Variants in GRIK4 observed in about 807,000 individuals in gnomAD.
The protein encoded by GRIK4 is glutamate receptor ionotropic, kainate 4.
A neutral mutation model predicts 104.9 loss-of-function variants in GRIK4; 40 were observed. The observed-to-expected ratio is 0.38, with a 90% CI of 0.30 to 0.50. The LOEUF is 0.50. Among genes scored for constraint, GRIK4 ranks in the 20% least tolerant of loss-of-function variants. GRIK4 has a pLI of 0.93. For synonymous variants in GRIK4, 485 were observed against 524.9 expected (o/e 0.92, Z 1.04); for missense variants, 1,047 against 1,308.1 (o/e 0.80, Z 3.08).
intron 1 of GRIK4, among the ~76,000 whole-genome samples, chr11:120,650,111 G>A (rs777050743): frequency 4.0e-4 from 61 of 152,258 alleles, no homozygotes; most frequent in Admixed American, 2.4e-3. Context: ...ACCTCCCGTG[G>A]CTGGCAATGA....
At chr11:120,937,282 A>C (rs1017156966) in intron 13 of GRIK4, among the ~76,000 whole-genome samples, 15 of 152,002 alleles carry the variant, frequency 9.9e-5, no homozygotes, top group Non-Finnish European at 1.5e-5. Context: ...CAGGTGATCC[A>C]CCCAGCTCAG....
intron 19 of GRIK4, among the ~76,000 whole-genome samples, chr11:120,974,670 G>T (rs909607332): frequency 1.2e-4 from 18 of 152,062 alleles, no homozygotes; most frequent in Non-Finnish European, 2.1e-4. Context: ...GAGTCTTTTT[G>T]CCAGGTCTTG....
chr11:120,763,588 T>C (rs1320028657), intron 3 of GRIK4, among the ~76,000 whole-genome samples: 1 of 152,240 alleles, frequency 6.6e-6, no homozygotes, highest in African/African-American at 2.4e-5. Flanking sequence ...TTTTGTGCTA[T>C]AAATTTCCCT....
At chr11:120,934,477 C>G (rs945137896) in intron 13 of GRIK4, among the ~76,000 whole-genome samples, 2 of 152,156 alleles carry the variant, frequency 1.3e-5, no homozygotes, top group African/African-American at 4.8e-5. Flanking sequence ...TCCTCCCAGC[C>G]AGGCTCATGT....
chr11:120,611,434 A>G (rs536412466), intron 1 of GRIK4, among the ~76,000 whole-genome samples: 20 of 152,350 alleles, frequency 1.3e-4, no homozygotes, highest in Non-Finnish European at 2.5e-4. Flanking sequence ...GCGTGTCTGC[A>G]TGCATGCACG....
chr11:120,568,438 A>G (rs1361889720), intron 1 of GRIK4, among the ~76,000 whole-genome samples: 1 of 151,154 alleles, frequency 6.6e-6, no homozygotes, highest in Non-Finnish European at 1.5e-5. Flanking sequence ...CCCAGGCTGG[A>G]GTGCAGTGGC....
intron 5 of GRIK4, among the ~76,000 whole-genome samples, chr11:120,816,735 T>C (rs1191160937): frequency 1.3e-5 from 2 of 151,958 alleles, no homozygotes; most frequent in Admixed American, 6.5e-5. Context: ...ACTCTCAGAA[T>C]TGTGTGCACG....
intron 3 of GRIK4, among the ~76,000 whole-genome samples, chr11:120,779,747 ATTGC>A (rs1211097970): frequency 6.6e-6 from 1 of 152,162 alleles, no homozygotes; most frequent in Non-Finnish European, 1.5e-5. Context: ...AAATCAAATC[ATTGC>A]TTCTCACTCT....
intron 4 of GRIK4, among the ~76,000 whole-genome samples, chr11:120,812,959 G>A (rs983464880): frequency 6.6e-6 from 1 of 152,216 alleles, no homozygotes; most frequent in Non-Finnish European, 1.5e-5. Flanking sequence ...GAGAACTGGA[G>A]GAGAATCCAG....
In GRIK4 at chr11:120,862,035, C is replaced by T; in HGVS notation, c.821C>T (p.Ser274Phe). Residue 274 changes from serine to phenylalanine, a missense_variant, in exon 9 of 21, where the codon TCC becomes TTC. Around this residue, in one of 3 missense-constraint regions of GRIK4, gnomAD observed 447 missense variants for 514.9 expected, o/e 0.87. Coordinates refer to ENST00000527524, the MANE Select transcript of GRIK4 (RefSeq NM_014619.5). ...CTGGGATTTTCCATTTTCAACCAATCCCATGCTTTCTTCCAAGAGTTTGCC... is the reference window on the plus strand; with the variant it reads ...CTGGGATTTTCCATTTTCAACCAATTCCATGCTTTCTTCCAAGAGTTTGCC... Reference protein sequence around the residue: ...NILGFSIFNQSHAFFQEFAQS... With the variant: ...NILGFSIFNQFHAFFQEFAQS... The T allele has an allele frequency of 6.2e-7, 1 of 1,613,782 alleles. No individual in the cohort carries two copies. The highest frequency in any genetic ancestry group is 8.5e-7 in the Non-Finnish European group (1 of 1,179,646).
At chr11:120,740,655 AGAG>A (rs1951311435) in intron 3 of GRIK4, among the ~76,000 whole-genome samples, 1 of 152,316 alleles carries the variant, frequency 6.6e-6, no homozygotes, top group East Asian at 1.9e-4. Context: ...GGTTTGGTCC[AGAG>A]GAGTTTACCC....
intron 3 of GRIK4, among the ~76,000 whole-genome samples, chr11:120,667,354 C>CT (rs1384122704): frequency 6.6e-6 from 1 of 152,272 alleles, no homozygotes; most frequent in Non-Finnish European, 1.5e-5. Flanking sequence ...CCTGGGCTGT[C>CT]TGGGTGCTTC....
chr11:120,896,996 T>C (rs1942599738), intron 11 of GRIK4, among the ~76,000 whole-genome samples: 1 of 152,294 alleles, frequency 6.6e-6, no homozygotes, highest in East Asian at 1.9e-4. Context: ...TATATAGATA[T>C]GTGTGTGTGT....
intron 1 of GRIK4, among the ~76,000 whole-genome samples, chr11:120,536,562 C>T (rs1947978183): frequency 6.6e-6 from 1 of 152,168 alleles, no homozygotes; most frequent in African/African-American, 2.4e-5. Context: ...CAGGTACTCG[C>T]TTAGTCACGT....
chr11:120,877,150 G>A (rs74316646), intron 11 of GRIK4, among the ~76,000 whole-genome samples: 157 of 152,376 alleles, frequency 1.0e-3, no homozygotes, highest in Non-Finnish European at 1.7e-3. Context: ...GAGCTGCATT[G>A]TCTGTAAGCA....
chr11:120,843,302 T>A (rs772162989), intron 8 of GRIK4, among the ~76,000 whole-genome samples: 2 of 152,234 alleles, frequency 1.3e-5, no homozygotes, highest in Non-Finnish European at 2.9e-5. Flanking sequence ...ATGCTATTTG[T>A]GGGGTGTCAA....
chr11:120,592,695 A>G (rs1243193717), intron 1 of GRIK4, among the ~76,000 whole-genome samples: 1 of 152,070 alleles, frequency 6.6e-6, no homozygotes, highest in Non-Finnish European at 1.5e-5. Context: ...GGGAGGAAGC[A>G]GAAGACATCA....
chr11:120,898,424 C>T (rs1437512033), intron 11 of GRIK4, 108 bp from the exon 12 acceptor site: 1 of 690,758 alleles, frequency 1.4e-6, no homozygotes, highest in African/African-American at 1.8e-5. Flanking sequence ...TACTCCACAC[C>T]CCTCCCTGCT....
At chr11:120,748,419 TGA>T (rs1166624661) in intron 3 of GRIK4, among the ~76,000 whole-genome samples, 1 of 152,082 alleles carries the variant, frequency 6.6e-6, no homozygotes, top group African/African-American at 2.4e-5. Context: ...TGTGGGGAGA[TGA>T]GAGTAGGGTG....
Sources: allele counts gnomAD v4.1 joint callset (sites outside exome capture counted in the v4.1 genomes callset), GRCh38; gene constraint gnomAD v4.1.1; regional missense constraint gnomAD v4.1.1; transcripts MANE v1.5; gene names NCBI Gene and HGNC (gene_info 2026-07-23, HGNC 2026-07-21).